Variants in C4orf33 observed in about 807,000 individuals in gnomAD.
C4orf33 encodes the protein chromosome 4 open reading frame 33.
In C4orf33, 20 loss-of-function variants were observed where a neutral mutation model predicts 24.3. The observed-to-expected ratio is 0.82, with a 90% CI of 0.58 to 1.19. The LOEUF is 1.19. C4orf33 is among the 50% of genes most tolerant of loss of function. The pLI, the probability that C4orf33 is intolerant of heterozygous loss-of-function variation, is 0.00. For synonymous variants in C4orf33, 67 were observed against 76.4 expected, an observed-to-expected ratio of 0.88 and a Z score of 0.64; for missense variants, 207 against 225.9, an observed-to-expected ratio of 0.92 and a Z score of 0.54.
rs752642024 is a variant in C4orf33 at position 129,114,818 on chromosome 4, G to A, written c.*3027G>A. On this transcript the variant is annotated 3_prime_UTR_variant, in exon 6 of 6. Transcript: ENST00000425929. ...GCAAATAGAAGCGGGCTACCATGCA[G>A]AGCTAGAGTTATAACTATTAATGGA... The A allele has an allele frequency of 6.6e-6, 1 of 152,226 alleles. No individual in the cohort carries two copies. Among genetic ancestry groups the A allele is most frequent in the Non-Finnish European group, 1.5e-5 (1 of 68,046 alleles). 9.4% of individuals were successfully genotyped at this position (152,226 alleles called of 1,614,324 possible).
rs1753728919 is a variant in C4orf33 at position 129,113,465 on chromosome 4, G to A, written c.*1674G>A. On this transcript the variant is annotated 3_prime_UTR_variant, in exon 6 of 6. Transcript: ENST00000425929. ...TCCAAGAAACTTTTATTTGAGAGTG[G>A]GTGTTTGTAATAGCCATTTCAAATT... 1 of 152,118 alleles carries A rather than the reference G, an allele frequency of 6.6e-6. No homozygotes were observed. The highest frequency in any genetic ancestry group is 2.4e-5 in the African/African-American group (1 of 41,418). The allele number at this position is 152,118 out of a possible 1,614,324, so 9.4% of individuals were successfully genotyped here. A position where few individuals can be genotyped will look rare whatever the true frequency, so the allele number is the denominator to read the frequency against.
chr4:129,097,874 G>C (rs986676666), intron 1 of C4orf33, among the ~76,000 whole-genome samples: 1 of 152,184 alleles, frequency 6.6e-6, no homozygotes, highest in Non-Finnish European at 1.5e-5. Context: ...GTGAAAAATG[G>C]TAATTTATTG....
rs554117032 is a variant in C4orf33, at chr4:129,112,984, G to A, written c.*1193G>A. The A allele has an allele frequency of 5.9e-5, 9 of 152,078 alleles. No homozygotes were observed. Among genetic ancestry groups the A allele is most frequent in the South Asian group, 4.1e-4 (2 of 4,826 alleles). 9.4% of individuals were successfully genotyped at this position (152,078 alleles called of 1,614,324 possible). A position where few individuals can be genotyped will look rare whatever the true frequency, so the allele number is the denominator to read the frequency against. ...TGGCATATTTTAAATAACCTAGGAC[G>A]ATTTATTTATAAATTACCTGAATAA... On this transcript the variant is annotated 3_prime_UTR_variant, in exon 6 of 6. Transcript: ENST00000425929.
At chr4:129,111,595 C>T (rs1753691625) in intron 5 of C4orf33, 91 bp from the exon 6 acceptor site, 4 of 690,756 alleles carry the variant, frequency 5.8e-6, no homozygotes, top group African/African-American at 1.8e-5. Context: ...TGTTGTATTA[C>T]AGTTGTGACA....
chr4:129,113,084 C>T lies in C4orf33; in HGVS notation c.*1293C>T, dbSNP rs915458928. ...GAGCATCTTGATTTTAGAAGCGAAT[C>T]GAACACTGTGAATCACAGTTTCAGA... On this transcript the variant is annotated 3_prime_UTR_variant, in exon 6 of 6. Transcript: ENST00000425929. 6.6e-5 allele frequency: 10 copies of T among 152,070 alleles called. No individual in the cohort carries two copies. Among genetic ancestry groups the T allele is most frequent in the South Asian group, 4.2e-4 (2 of 4,818 alleles). The allele number at this position is 152,070 out of a possible 1,614,324, so 9.4% of individuals were successfully genotyped here. A position where few individuals can be genotyped will look rare whatever the true frequency, so the allele number is the denominator to read the frequency against.
At chr4:129,099,667 G>T (rs1046618980) in intron 1 of C4orf33, among the ~76,000 whole-genome samples, 1 of 152,148 alleles carries the variant, frequency 6.6e-6, no homozygotes, top group Non-Finnish European at 1.5e-5. Flanking sequence ...GGAGGGGAGC[G>T]CTAGCCCAAG....
At chr4:129,093,938 G>A (rs1300373264), upstream of C4orf33, 2 of 152,282 alleles carry the variant, frequency 1.3e-5, no homozygotes, top group African/African-American at 2.4e-5. Flanking sequence ...CCTGCGGCTA[G>A]GGATAGAAGC....
In C4orf33 at chr4:129,113,669, C is replaced by T. The variant is rs867568537; in HGVS notation, c.*1878C>T. 27 of 152,266 alleles carry T rather than the reference C, an allele frequency of 1.8e-4. No individual in the cohort carries two copies. Among genetic ancestry groups the T allele is most frequent in the African/African-American group, 4.8e-4 (20 of 41,552 alleles). 9.4% of individuals were successfully genotyped at this position (152,266 alleles called of 1,614,324 possible). A position where few individuals can be genotyped will look rare whatever the true frequency, so the allele number is the denominator to read the frequency against. On this transcript the variant is annotated 3_prime_UTR_variant, in exon 6 of 6. Transcript: ENST00000425929. ...ATTCAGGTGCATTCTCATGCTTTTTCCCAGCTCCAGGAAAGTGTAAGTCAC... is the reference window on the plus strand; with the variant it reads ...ATTCAGGTGCATTCTCATGCTTTTTTCCAGCTCCAGGAAAGTGTAAGTCAC...
At chr4:129,108,473 G>A (rs1055243426) in intron 3 of C4orf33, among the ~76,000 whole-genome samples, 1 of 152,058 alleles carries the variant, frequency 6.6e-6, no homozygotes, top group African/African-American at 2.4e-5. Context: ...GTTGAGGACC[G>A]TGTGTGAAAA....
intron 5 of C4orf33, among the ~76,000 whole-genome samples, chr4:129,111,381 A>T (rs148029574): frequency 1.3e-5 from 2 of 152,352 alleles, no homozygotes; most frequent in African/African-American, 4.8e-5. Flanking sequence ...CAAGAGCATA[A>T]TATGATTTGT....
intron 3 of C4orf33, among the ~76,000 whole-genome samples, chr4:129,108,809 T>C (rs530969418): frequency 6.6e-6 from 1 of 152,180 alleles, no homozygotes; most frequent in Admixed American, 6.5e-5. Context: ...GGCAGTTGTC[T>C]GGAGAGTGGT....
chr4:129,109,354 G>A lies in C4orf33; in HGVS notation c.290G>A (p.Trp97Ter), dbSNP rs1233337995. Reference protein sequence around the residue: ...VLLLSGRRNVWKQELPLSFRM... With the variant: ...VLLLSGRRNV Reference sequence around the variant, plus strand: ...TTACTTTCTGGAAGAAGAAATGTGTGGAAAGTAAGTAAATAAAAATAGGAG... The same window carrying A: ...TTACTTTCTGGAAGAAGAAATGTGTAGAAAGTAAGTAAATAAAAATAGGAG... The change falls in exon 4 of 6, where the codon TGG (tryptophan) becomes TAG (stop). Residue 97 changes from tryptophan (W) to a stop codon, truncating the protein, a stop_gained. Coordinates refer to ENST00000425929, the MANE Select transcript of C4orf33 (RefSeq NM_001099783.2). LOFTEE classifies it high-confidence loss of function. The A allele has an allele frequency of 6.2e-7, 1 of 1,613,618 alleles. No homozygotes were observed. Among genetic ancestry groups the A allele is most frequent in the Admixed American group, 1.7e-5 (1 of 60,000 alleles).
chr4:129,104,985 A>T (rs546404038), intron 2 of C4orf33, among the ~76,000 whole-genome samples: 4 of 149,318 alleles, frequency 2.7e-5, no homozygotes, highest in East Asian at 1.9e-4. Context: ...TGTGTGTGTG[A>T]TATATATACA....
intron 2 of C4orf33, among the ~76,000 whole-genome samples, chr4:129,106,137 A>G (rs36124477): frequency 0.028 from 4,228 of 152,260 alleles, 84 homozygotes; most frequent in South Asian, 0.053. Flanking sequence ...CCTGTATAAT[A>G]GGAGATGTAT....
At chr4:129,103,579 G>A (rs1753428742) in intron 2 of C4orf33, among the ~76,000 whole-genome samples, 1 of 151,838 alleles carries the variant, frequency 6.6e-6, no homozygotes, top group Non-Finnish European at 1.5e-5. Context: ...ATTAGTTTCA[G>A]GTTTGCTCTA....
chr4:129,098,154 T>A (rs1753254347), intron 1 of C4orf33, among the ~76,000 whole-genome samples: 1 of 152,174 alleles, frequency 6.6e-6, no homozygotes, highest in South Asian at 2.1e-4. Flanking sequence ...TACTATTATT[T>A]ATCTATTATT....
rs200120492 is a variant in C4orf33 at position 129,099,915 on chromosome 4, G to A, written c.-9-2687G>A. The stretch of plus-strand genomic sequence containing the variant: ...AGATTGACGTCAGTGTTCTTTAAGC[G>A]ATATAAAGTTTAAAAAAAAAAACAA... On this transcript the variant is annotated intron_variant, in intron 1 of 5. Transcript: ENST00000425929. 1.5e-4 allele frequency among the ~76,000 whole-genome samples: 22 copies of A among 151,328 alleles called. No individual in the cohort carries two copies. In the East Asian group the frequency reaches 2.9e-3, roughly 20 times the overall value.
chr4:129,105,666 T>C (rs891506550), intron 2 of C4orf33, among the ~76,000 whole-genome samples: 2 of 152,176 alleles, frequency 1.3e-5, no homozygotes, highest in East Asian at 3.8e-4. Flanking sequence ...AAAATACTAC[T>C]ATTCAGTCAT....
intron 1 of C4orf33, among the ~76,000 whole-genome samples, chr4:129,099,806 T>C (rs1753301652): frequency 6.6e-6 from 1 of 152,206 alleles, no homozygotes; most frequent in Non-Finnish European, 1.5e-5. Flanking sequence ...CTCTAGTTTA[T>C]GTTAGTTTTA....
Sources: allele counts gnomAD v4.1 joint callset (sites outside exome capture counted in the v4.1 genomes callset), GRCh38; gene constraint gnomAD v4.1.1; transcripts MANE v1.5; gene names NCBI Gene and HGNC (gene_info 2026-07-23, HGNC 2026-07-21).